The following SCHIP1 variants were observed in gnomAD, a reference collection of about 807,000 sequenced individuals.
SCHIP1 encodes schwannomin interacting protein 1.
Under a neutral mutation model 29.7 loss-of-function variants are expected in SCHIP1, and 8 were observed. The ratio of observed to expected loss-of-function variants is 0.27; its 90% confidence interval spans 0.16 to 0.49. SCHIP1 has a LOEUF of 0.49. Ranked by LOEUF, SCHIP1 falls within the 20% of genes least tolerant of loss-of-function variation. SCHIP1 has a pLI of 0.99. For synonymous variants in SCHIP1, 76 were observed against 94.9 expected (o/e 0.80, Z 1.16); for missense variants, 193 against 294.6 (o/e 0.66, Z 2.52).
chr3:159,824,776 C>A, the SCHIP1 span, among the ~76,000 whole-genome samples: 2 of 152,216 alleles, frequency 1.3e-5, no homozygotes, highest in East Asian at 3.8e-4. Context: ...ATTTCTTCTT[C>A]AAACATTAGA....
the SCHIP1 span, among the ~76,000 whole-genome samples, chr3:159,652,860 G>A: frequency 6.6e-6 from 1 of 152,122 alleles, no homozygotes. Flanking sequence ...TATTTCTTCA[G>A]CAACATGGAT....
chr3:159,725,265 TTTTTTC>T, the SCHIP1 span, among the ~76,000 whole-genome samples: 1 of 143,498 alleles, frequency 7.0e-6, no homozygotes, highest in Admixed American at 7.2e-5. Context: ...TTTTCTTTTC[TTTTTTC>T]TTTTTTTTTT....
the SCHIP1 span, among the ~76,000 whole-genome samples, chr3:159,699,248 C>T: frequency 3.0e-4 from 46 of 152,256 alleles, no homozygotes; most frequent in Admixed American, 2.9e-3. Flanking sequence ...TCATGACAAC[C>T]TTATATAATA....
At chr3:159,802,497 T>C in the SCHIP1 span, among the ~76,000 whole-genome samples, 1 of 152,248 alleles carries the variant, frequency 6.6e-6, no homozygotes, top group Non-Finnish European at 1.5e-5. Context: ...CTTCAATAGA[T>C]AGGGTTTTCT....
chr3:159,793,886 G>A, the SCHIP1 span, among the ~76,000 whole-genome samples: 3 of 152,116 alleles, frequency 2.0e-5, no homozygotes, highest in Non-Finnish European at 4.4e-5. Context: ...AATTTCTGGA[G>A]GCTGCTTGCA....
At chr3:159,848,175 C>A (rs1329348170) in intron 1 of SCHIP1, among the ~76,000 whole-genome samples, 1 of 152,142 alleles carries the variant, frequency 6.6e-6, no homozygotes, top group Non-Finnish European at 1.5e-5. Flanking sequence ...AACAGGAAAC[C>A]AAAGCTCTTC....
chr3:159,551,207 C>A, the SCHIP1 span, among the ~76,000 whole-genome samples: 1 of 152,114 alleles, frequency 6.6e-6, no homozygotes. Flanking sequence ...ACCTGGTATC[C>A]CATCAGTATC....
chr3:159,350,201 G>A, the SCHIP1 span, among the ~76,000 whole-genome samples: 1 of 152,044 alleles, frequency 6.6e-6, no homozygotes, highest in Non-Finnish European at 1.5e-5. Context: ...TAACTCTGCA[G>A]TTAGAAAACT....
chr3:159,402,770 G>A, the SCHIP1 span, among the ~76,000 whole-genome samples: 5 of 152,066 alleles, frequency 3.3e-5, no homozygotes, highest in African/African-American at 7.2e-5. Flanking sequence ...ATCACACACT[G>A]GGGACTGTTG....
chr3:159,324,365 T>C, the SCHIP1 span, among the ~76,000 whole-genome samples: 2 of 152,184 alleles, frequency 1.3e-5, no homozygotes, highest in African/African-American at 4.8e-5. Context: ...ATTCCCATAC[T>C]CTTCTGGGGA....
the SCHIP1 span, among the ~76,000 whole-genome samples, chr3:159,566,938 C>T: frequency 7.9e-5 from 12 of 152,296 alleles, no homozygotes; most frequent in Non-Finnish European, 1.5e-5. Flanking sequence ...CATTTTCACA[C>T]TTTTATCAGC....
the SCHIP1 span, among the ~76,000 whole-genome samples, chr3:159,816,702 A>C: frequency 1.3e-5 from 2 of 152,188 alleles, no homozygotes; most frequent in South Asian, 4.1e-4. Context: ...TCAGCACTAC[A>C]TAACTCCTAT....
At chr3:159,422,837 C>T in the SCHIP1 span, among the ~76,000 whole-genome samples, 1 of 152,138 alleles carries the variant, frequency 6.6e-6, no homozygotes, top group Non-Finnish European at 1.5e-5. Context: ...ATTTACTTGT[C>T]TTTTCAACAC....
At chr3:159,563,830 G>GA in the SCHIP1 span, among the ~76,000 whole-genome samples, 40 of 149,552 alleles carry the variant, frequency 2.7e-4, no homozygotes, top group East Asian at 4.1e-3. Flanking sequence ...TCTCAAAAAA[G>GA]AAAAAAAAAG....
At chr3:159,809,637 G>T in the SCHIP1 span, among the ~76,000 whole-genome samples, 2 of 148,120 alleles carry the variant, frequency 1.4e-5, no homozygotes, top group African/African-American at 5.0e-5. Context: ...TCCAGCCTGG[G>T]CAATGAGAGC....
the SCHIP1 span, among the ~76,000 whole-genome samples, chr3:159,324,656 G>A: frequency 6.6e-6 from 1 of 151,976 alleles, no homozygotes; most frequent in Admixed American, 6.6e-5. Context: ...TAAAATATTG[G>A]GGAATAGAAT....
the SCHIP1 span, among the ~76,000 whole-genome samples, chr3:159,497,902 C>T: frequency 6.6e-6 from 1 of 152,102 alleles, no homozygotes; most frequent in Admixed American, 6.6e-5. Context: ...AATAACTAAC[C>T]ATGGCAAATC....
chr3:159,496,595 T>C, the SCHIP1 span, among the ~76,000 whole-genome samples: 1 of 152,104 alleles, frequency 6.6e-6, no homozygotes, highest in African/African-American at 2.4e-5. Context: ...CATTAAAAAG[T>C]CAGGAAACAA....
At chr3:159,390,061 T>C in the SCHIP1 span, among the ~76,000 whole-genome samples, 1 of 152,062 alleles carries the variant, frequency 6.6e-6, no homozygotes, top group Non-Finnish European at 1.5e-5. Context: ...ATTGCATATA[T>C]ATATATAAAA....
Sources: gnomAD v4.1 joint callset for allele counts (sites outside exome capture counted in the v4.1 genomes callset) on GRCh38, gnomAD v4.1.1 for gene constraint, MANE v1.5 for transcripts, NCBI Gene and HGNC (gene_info 2026-07-23, HGNC 2026-07-21) for gene names.